PCDHGA10: variants seen among roughly 807,000 people sequenced by gnomAD.
PCDHGA10 encodes the protein protocadherin gamma subfamily A, 10.
PCDHGA10 carries 42 observed loss-of-function variants against 59.5 expected under a neutral mutation model. The ratio of observed to expected loss-of-function variants is 0.71; its 90% CI spans 0.55 to 0.91. PCDHGA10 has a LOEUF of 0.91. Among genes scored for constraint, PCDHGA10 ranks in the 40% least tolerant of loss-of-function variants. The pLI is 0.00. For missense variants in PCDHGA10, 1,111 were observed against 1,198.2 expected (o/e 0.93, Z 1.07); for synonymous variants, 511 against 517.2 (o/e 0.99, Z 0.16).
chr5:141,431,724 T>G lies in PCDHGA10; in HGVS notation c.2436+16113T>G, dbSNP rs758754345. On this transcript the variant is annotated intron_variant, in intron 1 of 3. Transcript: ENST00000398610. The surrounding 1 kb of genome is among the most constrained non-coding windows in gnomAD (Gnocchi z 4.8). ...TTCTACCAGATGGAAGTGCAAGCAA[T>G]GGATAATGCAGGATATTCTGCGCGA... 1 of 1,614,036 alleles carries G rather than the reference T, an allele frequency of 6.2e-7. No individual in the cohort carries two copies. Among genetic ancestry groups the G allele is most frequent in the Non-Finnish European group, 8.5e-7 (1 of 1,180,036 alleles).
chr5:141,423,195 G>C, intron 1 of PCDHGA10: 14 of 1,613,544 alleles, frequency 8.7e-6, no homozygotes, highest in Non-Finnish European at 1.2e-5. Flanking sequence ...CCCCTCTCTC[G>C]GCCACCGTCA....
At chr5:141,502,951 C>G (rs1444086718) in intron 2 of PCDHGA10, among the ~76,000 whole-genome samples, 1 of 147,768 alleles carries the variant, frequency 6.8e-6, no homozygotes, top group African/African-American at 2.6e-5. Context: ...TCAAGCGATT[C>G]TCCTGCCTCA....
intron 1 of PCDHGA10, chr5:141,426,943 C>T: frequency 2.2e-6 from 1 of 456,736 alleles, no homozygotes; most frequent in Non-Finnish European, 4.4e-6. Flanking sequence ...GACCCAGTCC[C>T]AACTGGCACT....
At position 141,414,404 on chromosome 5, in the gene PCDHGA10, T is replaced by A; in HGVS notation, c.1229T>A (p.Ile410Lys). The change falls in exon 1 of 4, where the codon ATA becomes AAA. Residue 410 changes from isoleucine to lysine, a missense_variant. Ile to Lys is a moderately radical substitution (Grantham distance 102). Coordinates refer to ENST00000398610, the MANE Select transcript of PCDHGA10 (RefSeq NM_018913.3). ...ATTGACAGTTATTACAGATTGGTGA[T>A]ACACAGAGCCCTTGACAGGGAACAG... is the stretch of plus-strand genomic sequence containing the variant. ...KSIDSYYRLV[I>K]HRALDREQVS... The A allele has an allele frequency of 6.2e-7, 1 of 1,613,886 alleles. No individual in the cohort carries two copies. The highest frequency in any genetic ancestry group is 8.5e-7 in the Non-Finnish European group (1 of 1,179,888).
rs754595054 is a variant in PCDHGA10, at chr5:141,415,411, G to A, written c.2236G>A (p.Gly746Ser). Residue 746 changes from glycine to serine, a missense_variant, in exon 1 of 4, where the codon GGC (glycine) becomes AGC (serine). Physicochemically the swap from Gly to Ser is moderately conservative, Grantham distance 56. Coordinates refer to ENST00000398610, the MANE Select transcript of PCDHGA10 (RefSeq NM_018913.3). ...LTGVSGSHFV[G>S]VDGVRAFLQT... ...AGGTGTGTCCGGCTCGCACTTTGTGGGCGTGGACGGGGTTCGGGCTTTCCT... is the reference window on the plus strand; with the variant it reads ...AGGTGTGTCCGGCTCGCACTTTGTGAGCGTGGACGGGGTTCGGGCTTTCCT... The A allele has an allele frequency of 2.8e-5, 45 of 1,614,112 alleles. No homozygotes were observed. The highest frequency in any genetic ancestry group is 3.6e-5 in the Non-Finnish European group (43 of 1,180,056).
chr5:141,457,498 G>A (rs193168963), intron 1 of PCDHGA10, among the ~76,000 whole-genome samples: 23 of 152,246 alleles, frequency 1.5e-4, no homozygotes, highest in African/African-American at 4.3e-4. Flanking sequence ...TAAAATGTAG[G>A]CAAAAAGCTT....
At chr5:141,499,136 G>A (rs1488844131) in intron 2 of PCDHGA10, among the ~76,000 whole-genome samples, 1 of 152,100 alleles carries the variant, frequency 6.6e-6, no homozygotes, top group Non-Finnish European at 1.5e-5. Flanking sequence ...CATCCTTTGG[G>A]TGTCTGATCC....
chr5:141,489,904 C>T lies in PCDHGA10; in HGVS notation c.2437-4903C>T, dbSNP rs750411680. On this transcript the variant is annotated intron_variant, in intron 1 of 3. Transcript: ENST00000398610. This position sits in a 1 kb window ranked among gnomAD's most constrained non-coding sequence, Gnocchi z 4.5. ...TGCTGTGGATGGGGGGACCCCAGCC[C>T]GCTCAGGGACCACCCTTATCTCTGT... 1.6e-5 allele frequency: 26 copies of T among 1,614,092 alleles called. No homozygotes were observed. The highest frequency in any genetic ancestry group is 3.3e-5 in the Admixed American group (2 of 60,014).
chr5:141,509,787 TCTC>T (rs2099878266), intron 3 of PCDHGA10, among the ~76,000 whole-genome samples: 1 of 152,132 alleles, frequency 6.6e-6, no homozygotes, highest in Non-Finnish European at 1.5e-5. Context: ...GAGATCATCA[TCTC>T]CTCAGCTTCA....
intron 1 of PCDHGA10, chr5:141,440,535 G>A (rs1305958587): frequency 1.3e-5 from 2 of 152,154 alleles, no homozygotes; most frequent in East Asian, 1.9e-4. Flanking sequence ...CATGCACCAC[G>A]GTTCAGCAGG....
Position 141,485,227 on chromosome 5 carries a change from G to T in PCDHGA10, c.2437-9580G>T. Reference sequence around the variant, plus strand: ...AAATCTGGCGGTGGGCTACCCTTTTGTTCCTCTTTTACCACCTGGGTTACG... The same window carrying T: ...AAATCTGGCGGTGGGCTACCCTTTTTTTCCTCTTTTACCACCTGGGTTACG... On this transcript the variant is annotated intron_variant, in intron 1 of 3. Transcript: ENST00000398610. The surrounding 1 kb of genome is among the most constrained non-coding windows in gnomAD (Gnocchi z 5.7). The T allele has an allele frequency of 6.2e-7, 1 of 1,614,186 alleles. No individual in the cohort carries two copies. Among genetic ancestry groups the T allele is most frequent in the Non-Finnish European group, 8.5e-7 (1 of 1,180,020 alleles).
chr5:141,418,620 A>T lies in PCDHGA10; in HGVS notation c.2436+3009A>T, dbSNP rs762197476. 180 of 1,613,904 alleles carry T rather than the reference A, an allele frequency of 1.1e-4. No homozygotes were observed. The highest frequency in any genetic ancestry group is 1.5e-4 in the Non-Finnish European group (172 of 1,179,900). On this transcript the variant is annotated intron_variant, in intron 1 of 3. Coordinates refer to ENST00000398610, the MANE Select transcript of PCDHGA10 (RefSeq NM_018913.3). The stretch of plus-strand genomic sequence containing the variant: ...GTGTACAGGGTTAGCCTTCGGGAAG[A>T]CGTGCCTCCAGGCACCTCCATCCTG...
intron 1 of PCDHGA10, 129 bp downstream of exon 1, chr5:141,415,740 G>GTTTTTTGT (rs2095911797): frequency 1.9e-6 from 1 of 515,998 alleles, no homozygotes; most frequent in East Asian, 8.3e-5. Flanking sequence ...GTTTATTAAG[G>GTTTTTTGT]TTTTTTTTTT....
chr5:141,427,149 A>G (rs1303323489), intron 1 of PCDHGA10: 1 of 456,850 alleles, frequency 2.2e-6, no homozygotes, highest in Non-Finnish European at 4.4e-6. Context: ...TATTGGAAAT[A>G]TGTTTGTGCT....
intron 1 of PCDHGA10, among the ~76,000 whole-genome samples, chr5:141,469,859 A>C (rs2099213257): frequency 6.6e-6 from 1 of 152,080 alleles, no homozygotes; most frequent in Non-Finnish European, 1.5e-5. Context: ...GACCGGGTGC[A>C]ATGGCTCACG....
intron 1 of PCDHGA10, chr5:141,421,442 A>G (rs769354611): frequency 1.7e-5 from 27 of 1,613,990 alleles, no homozygotes; most frequent in Non-Finnish European, 2.2e-5. Context: ...TCCAGAGGGA[A>G]GACACAGCTT....
At chr5:141,415,740 G>GTTTTTTTTTTTTTTTTT (rs57426385) in intron 1 of PCDHGA10, 129 bp downstream of exon 1, 21 of 625,042 alleles carry the variant, frequency 3.4e-5, no homozygotes, top group African/African-American at 7.5e-5. Flanking sequence ...GTTTATTAAG[G>GTTTTTTTTTTTTTTTTT]TTTTTTTTTT....
chr5:141,444,762 T>A (rs767523211), intron 1 of PCDHGA10, among the ~76,000 whole-genome samples: 2 of 152,248 alleles, frequency 1.3e-5, no homozygotes, highest in Non-Finnish European at 2.9e-5. Flanking sequence ...TAGTTCTATT[T>A]CTATATTCTT....
chr5:141,452,888 C>T (rs62379168), intron 1 of PCDHGA10, among the ~76,000 whole-genome samples: 13,856 of 152,130 alleles, frequency 0.091, 849 homozygotes, highest in African/African-American at 0.17. Flanking sequence ...TAATTTATTC[C>T]ACTTTTATTA....
Sources: gnomAD v4.1 joint callset for allele counts (sites outside exome capture counted in the v4.1 genomes callset) on GRCh38, gnomAD v4.1.1 for gene constraint, Gnocchi (gnomAD v3.1) non-coding constraint, MANE v1.5 for transcripts, NCBI Gene and HGNC (gene_info 2026-07-23, HGNC 2026-07-21) for gene names.